The following EHMT1 variants were observed in gnomAD, a reference collection of about 807,000 sequenced individuals.
EHMT1 encodes histone-lysine N-methyltransferase EHMT1.
Under a neutral mutation model 147.2 loss-of-function variants are expected in EHMT1, and 15 were observed. The ratio of observed to expected loss-of-function variants is 0.10; its 90% CI spans 0.07 to 0.16. EHMT1 has a LOEUF of 0.16. EHMT1 is among the 10% of genes least tolerant of loss of function. EHMT1 has a pLI of 1.00. For synonymous variants in EHMT1, 795 were observed against 709.6 expected, an observed-to-expected ratio of 1.12 and a Z score of -1.91; for missense variants, 1,587 against 1,772.4, an observed-to-expected ratio of 0.90 and a Z score of 1.88.
chr9:137,818,211 G>C (rs191591683), intron 25 of EHMT1, 73 bp downstream of exon 25: 216 of 1,505,496 alleles, frequency 1.4e-4, no homozygotes, highest in Admixed American at 1.8e-4. Context: ...TGTCCCAGTA[G>C]GGCTGGGATT....
At chr9:137,708,166 G>T (rs1381212673) in intron 1 of EHMT1, among the ~76,000 whole-genome samples, 1 of 152,186 alleles carries the variant, frequency 6.6e-6, no homozygotes, top group Non-Finnish European at 1.5e-5. Flanking sequence ...CAGTTGAATG[G>T]CATTGTTTTC....
At chr9:137,666,435 C>T (rs1939655371) in intron 1 of EHMT1, among the ~76,000 whole-genome samples, 2 of 152,184 alleles carry the variant, frequency 1.3e-5, no homozygotes, top group Admixed American at 1.3e-4. Flanking sequence ...TTTTATTCTC[C>T]TACCTGCCCC....
intron 1 of EHMT1, among the ~76,000 whole-genome samples, chr9:137,675,812 C>G (rs1941230658): frequency 8.4e-6 from 1 of 118,832 alleles, no homozygotes; most frequent in Non-Finnish European, 1.6e-5. Flanking sequence ...TAGACGGAGT[C>G]TCGCTCTGTC....
At chr9:137,688,302 G>A (rs1420043234) in intron 1 of EHMT1, among the ~76,000 whole-genome samples, 2 of 152,230 alleles carry the variant, frequency 1.3e-5, no homozygotes, top group Non-Finnish European at 2.9e-5. Context: ...GGGATTATAA[G>A]AGTGAGCCAT....
chr9:137,641,065 G>C (rs1045006571), intron 1 of EHMT1: 22 of 237,430 alleles, frequency 9.3e-5, no homozygotes, highest in Non-Finnish European at 2.5e-5. Flanking sequence ...CATCATCTTC[G>C]TCTTCTCCTT....
intron 1 of EHMT1, among the ~76,000 whole-genome samples, chr9:137,657,411 C>G (rs10780180): frequency 0.28 from 42,271 of 151,114 alleles, 6,685 homozygotes; most frequent in African/African-American, 0.41. Flanking sequence ...GGCTGTCGCG[C>G]TCGTTAGGAT....
chr9:137,715,127 G>A (rs551433073), intron 2 of EHMT1, among the ~76,000 whole-genome samples: 7 of 152,234 alleles, frequency 4.6e-5, no homozygotes, highest in Non-Finnish European at 7.4e-5. Context: ...AATTGAGTCT[G>A]TTTTTAAGTA....
chr9:137,689,393 A>C (rs1157412416), intron 1 of EHMT1, among the ~76,000 whole-genome samples: 1 of 152,142 alleles, frequency 6.6e-6, no homozygotes, highest in African/African-American at 2.4e-5. Flanking sequence ...GTGTTGGTTG[A>C]CATTTTTTTC....
chr9:137,624,135 CA>C (rs1301065155), intron 1 of EHMT1, among the ~76,000 whole-genome samples: 1 of 150,704 alleles, frequency 6.6e-6, no homozygotes, highest in African/African-American at 2.4e-5. Flanking sequence ...GAGTAGGTGG[CA>C]TTAACAGGTG....
intron 19 of EHMT1, among the ~76,000 whole-genome samples, chr9:137,812,046 T>G (rs1347732866): frequency 1.3e-5 from 2 of 152,178 alleles, no homozygotes; most frequent in Non-Finnish European, 2.9e-5. Flanking sequence ...TTTTAAAACT[T>G]GAGACCTTCA....
chr9:137,792,726 T>C (rs985059899), intron 16 of EHMT1, among the ~76,000 whole-genome samples: 6 of 152,070 alleles, frequency 3.9e-5, no homozygotes, highest in Non-Finnish European at 7.4e-5. Flanking sequence ...AAAACGTATG[T>C]GGATGAAAGG....
chr9:137,810,543 C>T (rs370653787), intron 18 of EHMT1, among the ~76,000 whole-genome samples: 70 of 152,182 alleles, frequency 4.6e-4, no homozygotes, highest in Non-Finnish European at 6.2e-4. Context: ...TTCTTACCTA[C>T]GTTTTTTATT....
rs558324398 is a variant in EHMT1, at chr9:137,628,578, C to T, written c.21+9529C>T. 6.6e-5 allele frequency among the ~76,000 whole-genome samples: 10 copies of T among 152,280 alleles called. No homozygotes were observed. The East Asian group carries it at 1.9e-3, about 29-fold the overall frequency. On this transcript the variant is annotated intron_variant, in intron 1 of 26. Transcript: ENST00000460843. ...CACAGGCGTGAACTGCTGTGGCTGG[C>T]CTGAGAAGCATTTTCCATAAATCTT...
At chr9:137,691,833 T>TG (rs1456598839) in intron 1 of EHMT1, among the ~76,000 whole-genome samples, 1 of 152,158 alleles carries the variant, frequency 6.6e-6, no homozygotes, top group Middle Eastern at 3.2e-3. Context: ...TTGGTACACT[T>TG]GCCTGGCTCT....
rs528017933 is a variant in EHMT1 at position 137,769,311 on chromosome 9, T to G, written c.1648-5798T>G. ...CATAAGAATAGTTTAACCTTCATCT[T>G]AAACATATCCAGAGATCTTTATTCC... is the stretch of plus-strand genomic sequence containing the variant. On this transcript the variant is annotated intron_variant, in intron 10 of 26. Transcript: ENST00000460843. Among the ~76,000 whole-genome samples, 37 of 152,370 alleles carry G rather than the reference T, an allele frequency of 2.4e-4. 1 individual carries two copies. In the South Asian group the frequency reaches 6.4e-3, roughly 26 times the overall value.
intron 1 of EHMT1, among the ~76,000 whole-genome samples, chr9:137,694,359 C>T (rs1424905214): frequency 2.0e-5 from 3 of 150,588 alleles, no homozygotes; most frequent in East Asian, 2.0e-4. Context: ...ACCCACCAGG[C>T]GATGGTGCTG....
intron 1 of EHMT1, among the ~76,000 whole-genome samples, chr9:137,695,361 G>T (rs1201398158): frequency 3.3e-5 from 5 of 152,182 alleles, no homozygotes; most frequent in Non-Finnish European, 7.4e-5. Context: ...GAGCATGGAC[G>T]GAGCCCTGGA....
intron 18 of EHMT1, among the ~76,000 whole-genome samples, chr9:137,803,992 C>T (rs1485365311): frequency 2.0e-5 from 3 of 152,116 alleles, no homozygotes; most frequent in African/African-American, 7.2e-5. Flanking sequence ...CACCCTTCAG[C>T]GTGGCTGGGG....
chr9:137,705,782 T>TG (rs1944216184), intron 1 of EHMT1, among the ~76,000 whole-genome samples: 1 of 152,112 alleles, frequency 6.6e-6, no homozygotes, highest in South Asian at 2.1e-4. Flanking sequence ...GCTGTGAGGT[T>TG]GGGGGATGGC....
Sources: allele counts gnomAD v4.1 joint callset (sites outside exome capture counted in the v4.1 genomes callset), GRCh38; gene constraint gnomAD v4.1.1; transcripts MANE v1.5; gene names NCBI Gene and HGNC (gene_info 2026-07-23, HGNC 2026-07-21).